Variants in MAF observed in about 807,000 individuals in gnomAD.
MAF encodes transcription factor Maf.
Under a neutral mutation model 22.0 loss-of-function variants are expected in MAF, and 10 were observed. That is an observed-to-expected ratio of 0.45 (90% confidence interval 0.28 to 0.77). MAF has a LOEUF of 0.77. Ranked by LOEUF, MAF falls within the 30% of genes least tolerant of loss-of-function variation. The pLI, the probability that MAF is intolerant of heterozygous loss-of-function variation, is 0.12. For missense variants in MAF, 544 were observed against 548.4 expected, an observed-to-expected ratio of 0.99 and a Z score of 0.08; for synonymous variants, 337 against 255.8, an observed-to-expected ratio of 1.32 and a Z score of -3.03.
chr16:79,518,385 A>G, the MAF span, among the ~76,000 whole-genome samples: 1 of 152,220 alleles, frequency 6.6e-6, no homozygotes, highest in Non-Finnish European at 1.5e-5. Context: ...TGGAGAAGTC[A>G]TTAACAACAC....
chr16:79,228,560 C>A, the MAF span, among the ~76,000 whole-genome samples: 1 of 152,046 alleles, frequency 6.6e-6, no homozygotes, highest in Non-Finnish European at 1.5e-5. Context: ...CTTCCTGATC[C>A]CTGAGCCCCT....
chr16:79,444,588 G>C, the MAF span, among the ~76,000 whole-genome samples: 2 of 152,178 alleles, frequency 1.3e-5, no homozygotes, highest in Non-Finnish European at 2.9e-5. Context: ...ATTTACTCAA[G>C]GTCAGAGGAT....
the MAF span, among the ~76,000 whole-genome samples, chr16:79,322,600 T>C: frequency 6.6e-6 from 1 of 152,080 alleles, no homozygotes; most frequent in African/African-American, 2.4e-5. Flanking sequence ...ACCTTTCTGT[T>C]TTCTAGAGGA....
the MAF span, among the ~76,000 whole-genome samples, chr16:79,466,110 C>T: frequency 6.6e-6 from 1 of 152,290 alleles, no homozygotes; most frequent in South Asian, 2.1e-4. Flanking sequence ...TTTTAGGGAT[C>T]TCCAGACAAG....
At chr16:79,300,759 T>C in the MAF span, among the ~76,000 whole-genome samples, 80 of 152,214 alleles carry the variant, frequency 5.3e-4, no homozygotes, top group Non-Finnish European at 9.9e-4. Context: ...TATTATATGT[T>C]ATCTATGTGT....
the MAF span, among the ~76,000 whole-genome samples, chr16:79,364,547 C>G: frequency 6.6e-6 from 1 of 152,168 alleles, no homozygotes; most frequent in Non-Finnish European, 1.5e-5. Context: ...GACAGGAAGT[C>G]ATGGACACAC....
intron 1 of MAF, 159 bp from the exon 2 acceptor site, chr16:79,594,712 G>T: frequency 7.6e-7 from 1 of 1,310,756 alleles, no homozygotes; most frequent in Non-Finnish European, 9.9e-7. Flanking sequence ...TTCTTTGTAA[G>T]AAAAAAAAAA....
chr16:79,291,997 C>T, the MAF span, among the ~76,000 whole-genome samples: 1 of 151,510 alleles, frequency 6.6e-6, no homozygotes, highest in African/African-American at 2.4e-5. Flanking sequence ...CTCTTTCAAA[C>T]AGACGAGGAA....
chr16:79,537,096 G>A, the MAF span, among the ~76,000 whole-genome samples: 1 of 152,170 alleles, frequency 6.6e-6, no homozygotes, highest in Non-Finnish European at 1.5e-5. Context: ...GCACGTCTGT[G>A]AGATCCTGGG....
the MAF span, among the ~76,000 whole-genome samples, chr16:79,559,688 T>A: frequency 6.6e-6 from 1 of 152,326 alleles, no homozygotes; most frequent in Admixed American, 6.5e-5. Flanking sequence ...TTAAGCATGA[T>A]TCCATTTTTA....
At chr16:79,506,109 A>G in the MAF span, among the ~76,000 whole-genome samples, 1 of 152,170 alleles carries the variant, frequency 6.6e-6, no homozygotes, top group Admixed American at 6.5e-5. Context: ...TTTGATCCCC[A>G]AGAGTGAAAT....
the MAF span, among the ~76,000 whole-genome samples, chr16:79,496,174 A>T: frequency 6.6e-6 from 1 of 152,214 alleles, no homozygotes; most frequent in Non-Finnish European, 1.5e-5. Flanking sequence ...GTTATGCAGC[A>T]GTAGCTAACT....
the MAF span, among the ~76,000 whole-genome samples, chr16:79,576,261 G>T: frequency 8.2e-6 from 1 of 122,016 alleles, no homozygotes; most frequent in Non-Finnish European, 1.7e-5. Context: ...AAAAAAAAAG[G>T]ACCAGTACTT....
the MAF span, among the ~76,000 whole-genome samples, chr16:79,273,037 G>A: frequency 2.0e-5 from 3 of 152,196 alleles, no homozygotes; most frequent in Admixed American, 6.5e-5. Flanking sequence ...ACATTGTGCC[G>A]AAGTTATTGA....
the MAF span, among the ~76,000 whole-genome samples, chr16:79,451,352 G>A: frequency 6.6e-6 from 1 of 152,266 alleles, no homozygotes; most frequent in African/African-American, 2.4e-5. Context: ...ATGGTAAAAG[G>A]GTGACAGCAG....
chr16:79,452,482 C>G, the MAF span, among the ~76,000 whole-genome samples: 1 of 152,076 alleles, frequency 6.6e-6, no homozygotes, highest in Non-Finnish European at 1.5e-5. Flanking sequence ...TGTGTGCATG[C>G]AAATACAATA....
At chr16:79,246,551 T>C in the MAF span, among the ~76,000 whole-genome samples, 3 of 78,572 alleles carry the variant, frequency 3.8e-5, no homozygotes, top group South Asian at 3.5e-4. Flanking sequence ...GGGGGGGGTG[T>C]GGGGGTGTAT....
At chr16:79,563,794 C>A in the MAF span, among the ~76,000 whole-genome samples, 3 of 152,032 alleles carry the variant, frequency 2.0e-5, no homozygotes, top group Non-Finnish European at 4.4e-5. Context: ...CTGAGATGTT[C>A]TCAGGGAGTT....
At chr16:79,438,312 C>A in the MAF span, among the ~76,000 whole-genome samples, 1 of 152,148 alleles carries the variant, frequency 6.6e-6, no homozygotes, top group East Asian at 1.9e-4. Flanking sequence ...ACCAGAGGCA[C>A]CCGTTTGGAG....
Sources: gnomAD v4.1 joint callset for allele counts (sites outside exome capture counted in the v4.1 genomes callset) on GRCh38, gnomAD v4.1.1 for gene constraint, MANE v1.5 for transcripts, NCBI Gene and HGNC (gene_info 2026-07-23, HGNC 2026-07-21) for gene names.